RSU1: variants seen among roughly 807,000 people sequenced by gnomAD.
RSU1 encodes the protein Ras suppressor protein 1, also known as rsu-1.
A neutral mutation model predicts 31.1 loss-of-function variants in RSU1; 26 were observed. The ratio of observed to expected loss-of-function variants is 0.84; its 90% CI spans 0.61 to 1.16. The LOEUF (loss-of-function observed/expected upper bound fraction) is 1.16. RSU1 is among the 50% of genes most tolerant of loss of function. RSU1 has a pLI of 0.00. For missense variants in RSU1, 320 were observed against 339.1 expected (o/e 0.94, Z 0.44); for synonymous variants, 164 against 136.3 (o/e 1.20, Z -1.41).
rs143626658 is a variant in RSU1, at chr10:16,781,762, C to T, written c.160+272G>A. On this transcript the variant is annotated intron_variant, in intron 3 of 8. Coordinates refer to ENST00000345264, the MANE Select transcript of RSU1 (RefSeq NM_012425.4). ...AGCCCTTTGGGAGGCCAAGGCAGGA[C>T]GATCGCTTGAGCCCAGGAGTTCAAG... is the stretch of plus-strand genomic sequence containing the variant. 1.7e-3 allele frequency among the ~76,000 whole-genome samples: 265 copies of T among 152,260 alleles called. 1 individual carries two copies. Among genetic ancestry groups the T allele is most frequent in the African/African-American group, 5.4e-3 (226 of 41,546 alleles).
chr10:16,671,551 C>G (rs530731964), intron 8 of RSU1, among the ~76,000 whole-genome samples: 3 of 152,018 alleles, frequency 2.0e-5, no homozygotes. Flanking sequence ...TGGGCTCAAG[C>G]GATCCTCCCA....
intron 8 of RSU1, among the ~76,000 whole-genome samples, chr10:16,609,577 C>T (rs566228810): frequency 6.6e-6 from 1 of 152,352 alleles, no homozygotes; most frequent in Non-Finnish European, 1.5e-5. Flanking sequence ...ACCTCCCGGG[C>T]CCCGTACGAC....
At position 16,593,348 on chromosome 10, in the gene RSU1, T is replaced by G. The variant is rs535886843; in HGVS notation, c.*46A>C. On this transcript the variant is annotated 3_prime_UTR_variant, in exon 9 of 9. Coordinates refer to ENST00000345264, the MANE Select transcript of RSU1 (RefSeq NM_012425.4). Reference sequence around the variant, plus strand: ...AGACAGGGCAAGAGAGAATGAAGTGTTGGAGAGAGAAGGTGCTGGAAGGCC... The same window carrying G: ...AGACAGGGCAAGAGAGAATGAAGTGGTGGAGAGAGAAGGTGCTGGAAGGCC... 3.7e-6 allele frequency: 6 copies of G among 1,613,368 alleles called. No individual in the cohort carries two copies. In the South Asian group the frequency reaches 6.6e-5, roughly 18 times the overall value.
At chr10:16,793,511 A>G (rs1163977839) in intron 2 of RSU1, among the ~76,000 whole-genome samples, 1 of 152,236 alleles carries the variant, frequency 6.6e-6, no homozygotes, top group African/African-American at 2.4e-5. Context: ...AGACACTGGT[A>G]TTTAAATTAT....
intron 3 of RSU1, among the ~76,000 whole-genome samples, chr10:16,769,213 A>G (rs1837375941): frequency 6.6e-6 from 1 of 152,262 alleles, no homozygotes; most frequent in Non-Finnish European, 1.5e-5. Context: ...TCTAAAATTA[A>G]TAATTCCACA....
At chr10:16,628,027 C>T (rs928486422) in intron 8 of RSU1, among the ~76,000 whole-genome samples, 3 of 152,164 alleles carry the variant, frequency 2.0e-5, no homozygotes, top group Admixed American at 6.5e-5. Flanking sequence ...AGACTAATAA[C>T]GTATGGCAAA....
chr10:16,629,298 C>T (rs116749016), intron 8 of RSU1, among the ~76,000 whole-genome samples: 1,545 of 152,258 alleles, frequency 0.01, 30 homozygotes, highest in African/African-American at 0.035. Flanking sequence ...GTTTATGCTG[C>T]TGAACCGGCC....
chr10:16,606,307 T>A (rs1211942467), intron 8 of RSU1, among the ~76,000 whole-genome samples: 5 of 152,292 alleles, frequency 3.3e-5, no homozygotes, highest in East Asian at 1.9e-4. Flanking sequence ...ATATATATAT[T>A]TTAAACTATT....
chr10:16,811,664 C>T (rs1253407440), intron 2 of RSU1, among the ~76,000 whole-genome samples: 1 of 152,188 alleles, frequency 6.6e-6, no homozygotes, highest in Non-Finnish European at 1.5e-5. Flanking sequence ...TGAAGCATTT[C>T]CAGTTTTAAC....
At chr10:16,765,085 C>T (rs1415350062) in intron 3 of RSU1, among the ~76,000 whole-genome samples, 1 of 151,968 alleles carries the variant, frequency 6.6e-6, no homozygotes, top group Non-Finnish European at 1.5e-5. Flanking sequence ...TTATGGTTGT[C>T]ATATATGATC....
chr10:16,815,095 C>T (rs1242799237), intron 2 of RSU1, among the ~76,000 whole-genome samples: 2 of 152,186 alleles, frequency 1.3e-5, no homozygotes, highest in South Asian at 4.1e-4. Flanking sequence ...ATCAACAGTG[C>T]CCCCAATAAT....
chr10:16,641,343 T>G (rs2131501767), intron 8 of RSU1, among the ~76,000 whole-genome samples: 1 of 151,964 alleles, frequency 6.6e-6, no homozygotes, highest in African/African-American at 2.4e-5. Flanking sequence ...ATACAAAAAA[T>G]TAACCGGGCG....
At chr10:16,625,492 G>A (rs546983673) in intron 8 of RSU1, among the ~76,000 whole-genome samples, 1 of 152,264 alleles carries the variant, frequency 6.6e-6, no homozygotes, top group South Asian at 2.1e-4. Context: ...TCCCCAGTGC[G>A]TTCTGATCGG....
rs1283345142 is a variant in RSU1, at chr10:16,802,799, C to T, written c.109+14174G>A. ...AGAAGGAAATCCATACGATTATATG[C>T]ATAGAGGCAGAAAAAGCACTGGAAA... On this transcript the variant is annotated intron_variant, in intron 2 of 8. Coordinates refer to ENST00000345264, the MANE Select transcript of RSU1 (RefSeq NM_012425.4). 2.0e-5 allele frequency among the ~76,000 whole-genome samples: 3 copies of T among 152,100 alleles called. No homozygotes were observed. The East Asian group carries it at 5.8e-4, about 29-fold the overall frequency.
rs201585770 is a variant in RSU1 at position 16,695,158 on chromosome 10, G to C, written c.599-3C>G. ...CTGGCCAGTTAAATCCAAGTTTCCT[G>C]GGGGGGGGGAAAAAAAAAGTGAAGG... On this transcript the variant is annotated splice_region_variant and splice_polypyrimidine_tract_variant and intron_variant, in intron 7 of 8. Coordinates refer to ENST00000345264, the MANE Select transcript of RSU1 (RefSeq NM_012425.4). 1.4e-5 allele frequency: 12 copies of C among 847,686 alleles called. 1 individual carries two copies. The Admixed American group carries it at 2.1e-4, about 15-fold the overall frequency. 52.5% of individuals were successfully genotyped at this position (847,686 alleles called of 1,614,324 possible). A position where few individuals can be genotyped will look rare whatever the true frequency, so the allele number is the denominator to read the frequency against.
At chr10:16,599,450 G>A (rs907610821) in intron 8 of RSU1, among the ~76,000 whole-genome samples, 5 of 152,126 alleles carry the variant, frequency 3.3e-5, no homozygotes, top group Non-Finnish European at 7.3e-5. Flanking sequence ...TGGCCCTACA[G>A]GAGCCCACCA....
intron 3 of RSU1, among the ~76,000 whole-genome samples, chr10:16,765,105 C>CA (rs1837287138): frequency 6.6e-6 from 1 of 151,762 alleles, no homozygotes; most frequent in African/African-American, 2.4e-5. Flanking sequence ...CTTATAGGTG[C>CA]AATTTTTTTT....
chr10:16,771,739 G>C (rs1471152875), intron 3 of RSU1, among the ~76,000 whole-genome samples: 1 of 152,152 alleles, frequency 6.6e-6, no homozygotes, highest in African/African-American at 2.4e-5. Flanking sequence ...AATGATAACT[G>C]TCTTCACAGA....
At chr10:16,761,005 G>A (rs868847074) in intron 4 of RSU1, among the ~76,000 whole-genome samples, 10 of 152,092 alleles carry the variant, frequency 6.6e-5, no homozygotes, top group South Asian at 2.1e-4. Flanking sequence ...GCAGTGGTGC[G>A]ATCTCAGTTC....
Sources: gnomAD v4.1 joint callset for allele counts (sites outside exome capture counted in the v4.1 genomes callset) on GRCh38, gnomAD v4.1.1 for gene constraint, MANE v1.5 for transcripts, NCBI Gene and HGNC (gene_info 2026-07-23, HGNC 2026-07-21) for gene names.